Variants in ITGB1 observed in about 807,000 individuals in gnomAD.
ITGB1 encodes the protein integrin subunit beta 1.
Under a neutral mutation model 86.5 loss-of-function variants are expected in ITGB1, and 24 were observed. The ratio of observed to expected loss-of-function variants is 0.28; its 90% CI spans 0.20 to 0.39. The LOEUF (loss-of-function observed/expected upper bound fraction) is 0.39, where lower values mean the gene tolerates loss of function less well. Ranked by LOEUF, ITGB1 falls within the 10% of genes least tolerant of loss-of-function variation. The pLI, the probability that ITGB1 is intolerant of heterozygous loss-of-function variation, is 1.00. For missense variants in ITGB1, 556 were observed against 946.9 expected, an observed-to-expected ratio of 0.59 and a Z score of 5.42; for synonymous variants, 323 against 316.8, an observed-to-expected ratio of 1.02 and a Z score of -0.21.
intron 2 of ITGB1, 69 bp downstream of exon 2, chr10:32,935,423 C>G (rs1347393278): frequency 8.4e-6 from 8 of 947,214 alleles, no homozygotes; most frequent in Non-Finnish European, 1.2e-5. Context: ...CTCATATGAA[C>G]CTAACTGGTC....
intron 1 of ITGB1, among the ~76,000 whole-genome samples, chr10:32,945,529 G>A (rs952934812): frequency 6.6e-6 from 1 of 152,054 alleles, no homozygotes; most frequent in African/African-American, 2.4e-5. Flanking sequence ...AACCTGGGAG[G>A]TGGAGCTTGC....
chr10:32,911,029 G>A (rs777280192), intron 13 of ITGB1, among the ~76,000 whole-genome samples: 4 of 152,182 alleles, frequency 2.6e-5, no homozygotes, highest in Non-Finnish European at 4.4e-5. Context: ...GTGAGCCACT[G>A]TGCTCGGCCA....
chr10:32,930,751 T>C (rs17586210), intron 3 of ITGB1, among the ~76,000 whole-genome samples: 125,419 of 152,032 alleles, frequency 0.82, 52,471 homozygotes, highest in Non-Finnish European at 0.9. Context: ...AAAAAAGTTC[T>C]TAATGGCAGG....
At chr10:32,934,774 G>T (rs2094995395) in intron 2 of ITGB1, among the ~76,000 whole-genome samples, 1 of 152,028 alleles carries the variant, frequency 6.6e-6, no homozygotes, top group Non-Finnish European at 1.5e-5. Flanking sequence ...TAATGAAGTG[G>T]AACCTTTGTT....
At chr10:32,944,760 C>T (rs2095027315) in intron 1 of ITGB1, 1 of 719,356 alleles carries the variant, frequency 1.4e-6, no homozygotes, top group Non-Finnish European at 2.6e-6. Context: ...CAATGCCTTA[C>T]TGCTCGCTAG....
At chr10:32,901,712 C>T (rs1475769953) in intron 15 of ITGB1, 77 bp from the exon 16 acceptor site, 1 of 942,598 alleles carries the variant, frequency 1.1e-6, no homozygotes, top group Non-Finnish European at 1.7e-6. Flanking sequence ...TAAATCAAGA[C>T]TAAAAGTTGC....
intron 1 of ITGB1, among the ~76,000 whole-genome samples, chr10:32,936,519 C>G (rs962806117): frequency 3.9e-5 from 6 of 151,932 alleles, no homozygotes; most frequent in Non-Finnish European, 8.8e-5. Flanking sequence ...CCAGACCCCC[C>G]ACCTCTCCCC....
Position 32,911,595 on chromosome 10 carries a change from T to A in ITGB1, c.1784A>T (p.Asp595Val). Reference protein sequence around the residue: ...YTGSACDCSLDTSTCEASNGQ... With the variant: ...YTGSACDCSLVTSTCEASNGQ... ...GTTGCTGGCTTCACAAGTACTAGTA[T>A]CCAAAGAACAGTCACATGCACTGCC... The change falls in exon 13 of 16, where the codon GAT (aspartate) becomes GTT (valine). Residue 595 changes from aspartate to valine, a missense_variant. Around this residue, in one of 4 missense-constraint regions of ITGB1, gnomAD observed 330 missense variants for 531.5 expected, o/e 0.62. Transcript: ENST00000302278. The A allele has an allele frequency of 6.2e-7, 1 of 1,614,070 alleles. No individual in the cohort carries two copies. The highest frequency in any genetic ancestry group is 1.1e-5 in the South Asian group (1 of 91,068).
intron 3 of ITGB1, among the ~76,000 whole-genome samples, chr10:32,932,194 AG>A (rs1007701382): frequency 6.6e-6 from 1 of 152,146 alleles, no homozygotes; most frequent in Non-Finnish European, 1.5e-5. Context: ...CACTAAAAAA[AG>A]AAAAAGAGAA....
chr10:32,905,319 G>A (rs2094893042), intron 15 of ITGB1, among the ~76,000 whole-genome samples: 1 of 152,100 alleles, frequency 6.6e-6, no homozygotes, highest in Non-Finnish European at 1.5e-5. Context: ...AAACATTCCT[G>A]TACTGTAGGC....
intron 1 of ITGB1, among the ~76,000 whole-genome samples, chr10:32,939,879 C>G (rs1307134564): frequency 1.3e-5 from 2 of 152,204 alleles, no homozygotes; most frequent in Non-Finnish European, 2.9e-5. Flanking sequence ...AAAGCCTGCA[C>G]AGCTGCCCTG....
chr10:32,940,887 T>G lies in ITGB1; in HGVS notation c.1-5329A>C, dbSNP rs375278248. ...TGAACTCTACTGGTTTCCCCCTGCC[T>G]TTCTGGAGGTTCCTCTTCAGACAAC... On this transcript the variant is annotated intron_variant, in intron 1 of 15. Coordinates refer to ENST00000302278, the MANE Select transcript of ITGB1 (RefSeq NM_002211.4). 3.9e-5 allele frequency among the ~76,000 whole-genome samples: 6 copies of G among 152,348 alleles called. No individual in the cohort carries two copies. In the East Asian group the frequency reaches 1.2e-3, roughly 29 times the overall value.
intron 1 of ITGB1, among the ~76,000 whole-genome samples, chr10:32,952,121 C>G (rs1565835455): frequency 6.6e-6 from 1 of 151,922 alleles, no homozygotes. Context: ...AAAAGTTTCT[C>G]ATTTTACACA....
intron 6 of ITGB1, among the ~76,000 whole-genome samples, chr10:32,923,992 G>A (rs2137209175): frequency 6.6e-6 from 1 of 152,148 alleles, no homozygotes. Context: ...TTTAAAAACT[G>A]TTTTTTTGTT....
At chr10:32,920,817 C>CA (rs5784311) in intron 9 of ITGB1, among the ~76,000 whole-genome samples, 89,950 of 139,506 alleles carry the variant, frequency 0.64, 29,563 homozygotes, top group Non-Finnish European at 0.74. Flanking sequence ...CGCTAAAATA[C>CA]AAAAAAAAAA....
rs75523937 is a variant in ITGB1, at chr10:32,926,470, C to A, written c.548-361G>T. 1.2e-3 allele frequency among the ~76,000 whole-genome samples: 189 copies of A among 152,296 alleles called. 1 individual carries two copies. Among genetic ancestry groups the A allele is most frequent in the African/African-American group, 4.3e-3 (179 of 41,570 alleles). ...ATGGGGGCAGATCAATCCCTCATGGCTTGGTGCTATTCTGACCACAGTGAG... is the reference window on the plus strand; with the variant it reads ...ATGGGGGCAGATCAATCCCTCATGGATTGGTGCTATTCTGACCACAGTGAG... On this transcript the variant is annotated intron_variant, in intron 5 of 15. Coordinates refer to ENST00000302278, the MANE Select transcript of ITGB1 (RefSeq NM_002211.4).
intron 1 of ITGB1, among the ~76,000 whole-genome samples, chr10:32,937,231 T>A (rs1565830152): frequency 6.6e-6 from 1 of 152,202 alleles, no homozygotes; most frequent in East Asian, 1.9e-4. Flanking sequence ...TAGGGACTTA[T>A]TAGTCATTGC....
intron 14 of ITGB1, among the ~76,000 whole-genome samples, chr10:32,908,755 G>A (rs1215174363): frequency 6.7e-6 from 1 of 149,124 alleles, no homozygotes; most frequent in African/African-American, 2.5e-5. Flanking sequence ...TCTACATATT[G>A]AAAATATAAG....
At chr10:32,931,841 C>T (rs967022924) in intron 3 of ITGB1, among the ~76,000 whole-genome samples, 2 of 152,110 alleles carry the variant, frequency 1.3e-5, no homozygotes, top group South Asian at 4.1e-4. Flanking sequence ...CTTCTCCTTA[C>T]CTTCTCTTTT....
Sources: allele counts gnomAD v4.1 joint callset (sites outside exome capture counted in the v4.1 genomes callset), GRCh38; gene constraint gnomAD v4.1.1; regional missense constraint gnomAD v4.1.1; transcripts MANE v1.5; gene names NCBI Gene and HGNC (gene_info 2026-07-23, HGNC 2026-07-21).